CADPS: variants seen among roughly 807,000 people sequenced by gnomAD.
CADPS encodes the protein calcium dependent secretion activator, also known as calcium-dependent secretion activator 1.
A neutral mutation model predicts 167.3 loss-of-function variants in CADPS; 57 were observed. The ratio of observed to expected loss-of-function variants is 0.34; its 90% CI spans 0.28 to 0.42. The LOEUF is 0.42. Ranked by LOEUF, CADPS falls within the 20% of genes least tolerant of loss-of-function variation. The pLI is 1.00. For missense variants in CADPS, 1,414 were observed against 1,738.1 expected (o/e 0.81, Z 3.32); for synonymous variants, 676 against 635.3 (o/e 1.06, Z -0.96).
intron 1 of CADPS, among the ~76,000 whole-genome samples, chr3:62,805,665 C>A (rs185619353): frequency 3.3e-5 from 5 of 152,242 alleles, no homozygotes; most frequent in Admixed American, 1.3e-4. Flanking sequence ...TCTCATTTTA[C>A]TTCCCTAGAT....
chr3:62,476,382 C>A (rs1482180497), intron 23 of CADPS, among the ~76,000 whole-genome samples: 2 of 152,110 alleles, frequency 1.3e-5, no homozygotes, highest in African/African-American at 4.8e-5. Flanking sequence ...TATTTCCACC[C>A]ATTTTTGCTC....
At chr3:62,534,111 TTG>T (rs1158796411) in intron 12 of CADPS, among the ~76,000 whole-genome samples, 1 of 152,180 alleles carries the variant, frequency 6.6e-6, no homozygotes, top group Non-Finnish European at 1.5e-5. Flanking sequence ...TGAAATAAAA[TTG>T]TGTTTTCTGG....
chr3:62,742,848 C>T (rs504739), intron 3 of CADPS, among the ~76,000 whole-genome samples: 47,086 of 151,896 alleles, frequency 0.31, 7,595 homozygotes, highest in South Asian at 0.44. Flanking sequence ...AACAGAAAAC[C>T]GACAGAATGG....
At chr3:62,695,855 C>A (rs1434966705) in intron 3 of CADPS, among the ~76,000 whole-genome samples, 1 of 152,030 alleles carries the variant, frequency 6.6e-6, no homozygotes, top group Non-Finnish European at 1.5e-5. Flanking sequence ...AGCCTGGCCC[C>A]CAAACCTGTT....
chr3:62,773,369 CTTTT>C (rs1269027802), intron 1 of CADPS, among the ~76,000 whole-genome samples: 4 of 151,952 alleles, frequency 2.6e-5, no homozygotes, highest in African/African-American at 7.3e-5. Context: ...TTTTAAGTGA[CTTTT>C]ATTTAGCTTG....
chr3:62,765,910 A>T lies in CADPS; in HGVS notation c.516T>A (p.Ala172=), dbSNP rs760358298. ...AFLNGETQIM[A]DEAFMNAVQS... is the part of the protein sequence containing the mutation. ...GCACAGCGTTCATGAAGGCTTCGTC[A>T]GCCATGATCTGGGTTTCCCCATTGA... The change falls in exon 2 of 30, where the codon GCT becomes GCA. Residue 172 remains alanine (A), a synonymous_variant. Transcript: ENST00000383710. 1 of 1,613,372 alleles carries T rather than the reference A, an allele frequency of 6.2e-7. No homozygotes were observed. Among genetic ancestry groups the T allele is most frequent in the South Asian group, 1.1e-5 (1 of 91,050 alleles).
chr3:62,451,808 A>G (rs989861734), intron 26 of CADPS, among the ~76,000 whole-genome samples: 1 of 152,166 alleles, frequency 6.6e-6, no homozygotes, highest in South Asian at 2.1e-4. Context: ...TGCAAGGTTA[A>G]TGATGCTGTT....
chr3:62,624,044 G>A (rs112133128), intron 6 of CADPS, among the ~76,000 whole-genome samples: 3 of 152,102 alleles, frequency 2.0e-5, no homozygotes, highest in African/African-American at 7.2e-5. Context: ...CCATTTGAGA[G>A]CCTTCTAGAA....
intron 10 of CADPS, 93 bp downstream of exon 10, chr3:62,557,312 A>G (rs1477050763): frequency 1.2e-6 from 1 of 835,308 alleles, no homozygotes; most frequent in Non-Finnish European, 2.1e-6. Flanking sequence ...CTTAGTGCCT[A>G]GCATGGAGTA....
intron 3 of CADPS, among the ~76,000 whole-genome samples, chr3:62,690,146 T>C (rs534593267): frequency 1.9e-3 from 288 of 152,142 alleles, no homozygotes; most frequent in Non-Finnish European, 3.3e-3. Flanking sequence ...CTTCCCTTTC[T>C]GGAAGATCTG....
chr3:62,651,239 G>A (rs2070044912), intron 4 of CADPS, among the ~76,000 whole-genome samples, 159 bp from the exon 5 acceptor site: 1 of 152,152 alleles, frequency 6.6e-6, no homozygotes, highest in Non-Finnish European at 1.5e-5. Flanking sequence ...CAGCCTATTT[G>A]AGTAGACAGC....
chr3:62,858,997 T>C (rs1271325094), intron 1 of CADPS, among the ~76,000 whole-genome samples: 3 of 152,176 alleles, frequency 2.0e-5, no homozygotes, highest in Admixed American at 6.5e-5. Context: ...GAGTAGTAGA[T>C]TGTGCTGGAA....
chr3:62,535,101 T>C (rs1262255928), intron 12 of CADPS, among the ~76,000 whole-genome samples: 1 of 152,092 alleles, frequency 6.6e-6, no homozygotes, highest in Non-Finnish European at 1.5e-5. Context: ...AAGGGAATGA[T>C]TTAAGTTCAG....
At chr3:62,744,184 C>T (rs908828627) in intron 3 of CADPS, among the ~76,000 whole-genome samples, 1 of 152,062 alleles carries the variant, frequency 6.6e-6, no homozygotes, top group African/African-American at 2.4e-5. Flanking sequence ...AAGTATTAGG[C>T]TTACTGTCTG....
intron 1 of CADPS, among the ~76,000 whole-genome samples, chr3:62,791,296 TGA>T (rs1366677825): frequency 6.6e-6 from 1 of 152,210 alleles, no homozygotes; most frequent in African/African-American, 2.4e-5. Flanking sequence ...GCTTGCAATA[TGA>T]CTAGTGTGAA....
At chr3:62,854,710 C>T (rs532613660) in intron 1 of CADPS, among the ~76,000 whole-genome samples, 1 of 152,132 alleles carries the variant, frequency 6.6e-6, no homozygotes, top group East Asian at 1.9e-4. Context: ...GATCTTCTTC[C>T]CAATGTAAAA....
At chr3:62,553,914 G>A (rs1346085998) in intron 10 of CADPS, among the ~76,000 whole-genome samples, 1 of 152,200 alleles carries the variant, frequency 6.6e-6, no homozygotes, top group African/African-American at 2.4e-5. Flanking sequence ...TGGAGAACGA[G>A]GGGCACAGTC....
At position 62,857,541 on chromosome 3, in the gene CADPS, G is replaced by T. The variant is rs1392359663; in HGVS notation, c.441+17048C>A. Among the ~76,000 whole-genome samples, 8 of 152,066 alleles carry T rather than the reference G, an allele frequency of 5.3e-5. No homozygotes were observed. The East Asian group carries it at 1.5e-3, about 29-fold the overall frequency. The stretch of plus-strand genomic sequence containing the variant: ...TGGATTGCTACAAAGTCATTTAGAA[G>T]AATGACATGGTTTTTCATATTTACT... On this transcript the variant is annotated intron_variant, in intron 1 of 29. Transcript: ENST00000383710.
chr3:62,765,244 T>C lies in CADPS; in HGVS notation c.555+627A>G, dbSNP rs2152500016. On this transcript the variant is annotated intron_variant, in intron 2 of 29. Transcript: ENST00000383710. ...CAAAATTTAAAAATATTTGCAGAAA[T>C]ACAAATCCACTTTACTGATAAGCTT... 1.3e-5 allele frequency among the ~76,000 whole-genome samples: 2 copies of C among 152,244 alleles called. 1 individual carries two copies. The highest frequency in any genetic ancestry group is 4.1e-4 in the South Asian group (2 of 4,820).
Sources: gnomAD v4.1 joint callset for allele counts (sites outside exome capture counted in the v4.1 genomes callset) on GRCh38, gnomAD v4.1.1 for gene constraint, MANE v1.5 for transcripts, NCBI Gene and HGNC (gene_info 2026-07-23, HGNC 2026-07-21) for gene names.